PRUNE2: variants seen among roughly 807,000 people sequenced by gnomAD.
The protein encoded by PRUNE2 is protein prune homolog 2.
Under a neutral mutation model 252.0 loss-of-function variants are expected in PRUNE2, and 164 were observed. The ratio of observed to expected loss-of-function variants is 0.65; its 90% confidence interval spans 0.57 to 0.74. The LOEUF (loss-of-function observed/expected upper bound fraction) is 0.74. PRUNE2 is among the 30% of genes least tolerant of loss of function. The pLI, the probability that PRUNE2 is intolerant of heterozygous loss-of-function variation, is 0.00. For synonymous variants in PRUNE2, 1,292 were observed against 1,350.2 expected, an observed-to-expected ratio of 0.96 and a Z score of 0.94; for missense variants, 3,495 against 3,711.0, an observed-to-expected ratio of 0.94 and a Z score of 1.51.
At chr9:76,641,322 G>C (rs752200075) in intron 12 of PRUNE2, among the ~76,000 whole-genome samples, 4 of 152,114 alleles carry the variant, frequency 2.6e-5, no homozygotes, top group Non-Finnish European at 4.4e-5. Context: ...AATTAAAAGA[G>C]GGAAATAAAA....
intron 9 of PRUNE2, among the ~76,000 whole-genome samples, chr9:76,684,086 T>C (rs1248653407): frequency 2.0e-5 from 3 of 152,166 alleles, no homozygotes; most frequent in African/African-American, 7.2e-5. Flanking sequence ...CTTATGTTTT[T>C]TGTGGTGAAA....
At chr9:76,802,399 A>G (rs989317536) in intron 6 of PRUNE2, among the ~76,000 whole-genome samples, 7 of 152,188 alleles carry the variant, frequency 4.6e-5, no homozygotes, top group African/African-American at 1.7e-4. Context: ...CCTTAGACAT[A>G]AGGTAGTCTG....
intron 6 of PRUNE2, among the ~76,000 whole-genome samples, chr9:76,810,368 T>C (rs756906528): frequency 6.6e-6 from 1 of 152,148 alleles, no homozygotes; most frequent in African/African-American, 2.4e-5. Flanking sequence ...ATTCAATGAG[T>C]GTTGGCTACT....
At chr9:76,834,628 T>A (rs1222108251) in intron 4 of PRUNE2, among the ~76,000 whole-genome samples, 1 of 152,160 alleles carries the variant, frequency 6.6e-6, no homozygotes, top group Non-Finnish European at 1.5e-5. Context: ...CAGAGACCTA[T>A]GGAATAATTT....
At chr9:76,800,102 C>G (rs962346383) in intron 6 of PRUNE2, among the ~76,000 whole-genome samples, 1 of 151,964 alleles carries the variant, frequency 6.6e-6, no homozygotes, top group African/African-American at 2.4e-5. Flanking sequence ...GCACAACGTG[C>G]AGGTTTGTTA....
chr9:76,634,202 C>T (rs1838989144), intron 15 of PRUNE2, among the ~76,000 whole-genome samples: 1 of 152,100 alleles, frequency 6.6e-6, no homozygotes, highest in Non-Finnish European at 1.5e-5. Flanking sequence ...TAAATTAAGC[C>T]ATTATTAGTC....
chr9:76,817,686 CAT>C (rs1258725080), intron 6 of PRUNE2: 4 of 152,238 alleles, frequency 2.6e-5, no homozygotes, highest in African/African-American at 9.6e-5. Context: ...AGGATTGCTA[CAT>C]GAGTGAAAAA....
At chr9:76,806,608 C>T (rs1045652125) in intron 6 of PRUNE2, among the ~76,000 whole-genome samples, 2 of 150,646 alleles carry the variant, frequency 1.3e-5, no homozygotes, top group South Asian at 2.1e-4. Context: ...CCCGGGTTCA[C>T]GCCATTCTCC....
chr9:76,706,912 A>G lies in PRUNE2; in HGVS notation c.5362T>C (p.Ser1788Pro), dbSNP rs2046355838. 6.2e-7 allele frequency: 1 copy of G among 1,602,848 alleles called. No individual in the cohort carries two copies. The highest frequency in any genetic ancestry group is 8.5e-7 in the Non-Finnish European group (1 of 1,174,226). Residue 1788 changes from serine (S) to proline (P), a missense_variant, in exon 8 of 19, where the codon TCT (serine) becomes CCT (proline). Coordinates refer to ENST00000376718, the MANE Select transcript of PRUNE2 (RefSeq NM_015225.3). ...QITAVEKEKR[S>P]SPETGTTGDV... ...CCTGTTGTCCCTGTTTCTGGAGAAG[A>G]TCTCTTCTCCTTCTCCACTGCTGTA...
At chr9:76,832,507 A>C (rs1003409273) in intron 4 of PRUNE2, among the ~76,000 whole-genome samples, 1 of 152,166 alleles carries the variant, frequency 6.6e-6, no homozygotes, top group Non-Finnish European at 1.5e-5. Context: ...TCACAATGTA[A>C]ATCAGAATAT....
intron 9 of PRUNE2, among the ~76,000 whole-genome samples, chr9:76,666,490 GTC>G (rs1405596664): frequency 6.6e-6 from 1 of 152,164 alleles, no homozygotes; most frequent in Non-Finnish European, 1.5e-5. Flanking sequence ...AGTACTAAAA[GTC>G]TCTGATATGC....
intron 9 of PRUNE2, among the ~76,000 whole-genome samples, chr9:76,677,904 A>G (rs2042888831): frequency 3.3e-5 from 5 of 152,092 alleles, no homozygotes; most frequent in Admixed American, 3.3e-4. Context: ...CCCCACGAGG[A>G]TTTGCACTCG....
chr9:76,901,533 T>C (rs1315524210), intron 1 of PRUNE2, among the ~76,000 whole-genome samples: 1 of 152,228 alleles, frequency 6.6e-6, no homozygotes, highest in Non-Finnish European at 1.5e-5. Flanking sequence ...CGCGGAACTT[T>C]CTTCCCATGC....
intron 4 of PRUNE2, among the ~76,000 whole-genome samples, chr9:76,834,029 T>C (rs942569032): frequency 1.3e-4 from 20 of 151,644 alleles, no homozygotes; most frequent in African/African-American, 3.6e-4. Flanking sequence ...ATTACAGGCA[T>C]GTGCCACCAC....
Position 76,706,422 on chromosome 9 carries a change from G to A in PRUNE2, c.5852C>T (p.Pro1951Leu). 1 of 1,613,996 alleles carries A rather than the reference G, an allele frequency of 6.2e-7. No homozygotes were observed. The highest frequency in any genetic ancestry group is 8.5e-7 in the Non-Finnish European group (1 of 1,179,896). The change falls in exon 8 of 19, where the codon CCT (proline) becomes CTT (leucine). Residue 1951 changes from proline (P) to leucine (L), a missense_variant. Coordinates refer to ENST00000376718, the MANE Select transcript of PRUNE2 (RefSeq NM_015225.3). Reference sequence around the variant, plus strand: ...ACACTGCTCTTGGGTAGGTGTTTCAGGAGTCAGCTCATCACCAGCAGCAGA... The same window carrying A: ...ACACTGCTCTTGGGTAGGTGTTTCAAGAGTCAGCTCATCACCAGCAGCAGA... ...FVSAAGDELTPETPTQEQCQD... is the reference protein window; with the variant it reads ...FVSAAGDELTLETPTQEQCQD...
At position 76,761,939 on chromosome 9, in the gene PRUNE2, A is replaced by G. The variant is rs142972304; in HGVS notation, c.757-48218T>C. Among the ~76,000 whole-genome samples, 493 of 152,280 alleles carry G rather than the reference A, an allele frequency of 3.2e-3. 5 individuals carry two copies. The highest frequency in any genetic ancestry group is 0.012 in the African/African-American group (484 of 41,556). ...TTCCAAATAATGCCACTCTGGAGCTATATCATATTATGTATCATGTATGGT... is the reference window on the plus strand; with the variant it reads ...TTCCAAATAATGCCACTCTGGAGCTGTATCATATTATGTATCATGTATGGT... On this transcript the variant is annotated intron_variant, in intron 6 of 18. Coordinates refer to ENST00000376718, the MANE Select transcript of PRUNE2 (RefSeq NM_015225.3).
intron 4 of PRUNE2, among the ~76,000 whole-genome samples, chr9:76,840,719 G>C (rs4745586): frequency 0.075 from 11,439 of 152,156 alleles, 520 homozygotes; most frequent in East Asian, 0.19. Flanking sequence ...GGTGGCTCAG[G>C]CCTGTAATCC....
chr9:76,900,971 T>C (rs2063135852), intron 1 of PRUNE2, among the ~76,000 whole-genome samples: 1 of 152,158 alleles, frequency 6.6e-6, no homozygotes, highest in Non-Finnish European at 1.5e-5. Flanking sequence ...CCATCAGCTG[T>C]TTACTTAGTT....
chr9:76,737,120 A>G (rs1284321038), intron 6 of PRUNE2: 1 of 152,206 alleles, frequency 6.6e-6, no homozygotes, highest in East Asian at 1.9e-4. Flanking sequence ...TGATGAGATA[A>G]AACTAAGAAA....
Sources: allele counts gnomAD v4.1 joint callset (sites outside exome capture counted in the v4.1 genomes callset), GRCh38; gene constraint gnomAD v4.1.1; transcripts MANE v1.5; gene names NCBI Gene and HGNC (gene_info 2026-07-23, HGNC 2026-07-21).